Variants in DCDC1 observed in about 807,000 individuals in gnomAD.
DCDC1 encodes doublecortin domain containing 1, also known as doublecortin domain-containing protein 1.
Under a neutral mutation model 178.3 loss-of-function variants are expected in DCDC1, and 200 were observed. That is an observed-to-expected ratio of 1.12 (90% CI 1.00 to 1.26). DCDC1 has a LOEUF of 1.26. Among genes scored for constraint, DCDC1 ranks in the 50% most tolerant of loss-of-function variants. The pLI is 0.00. For missense variants in DCDC1, 1,983 were observed against 1,749.2 expected, an observed-to-expected ratio of 1.13 and a Z score of -2.38; for synonymous variants, 690 against 604.8, an observed-to-expected ratio of 1.14 and a Z score of -2.07.
chr11:31,026,823 A>G (rs750890566), intron 20 of DCDC1, among the ~76,000 whole-genome samples: 40 of 151,834 alleles, frequency 2.6e-4, no homozygotes, highest in Non-Finnish European at 4.7e-4. Flanking sequence ...TGGAAAAAAT[A>G]TTACTTAAGG....
At chr11:30,912,703 C>A (rs1029358027) in intron 27 of DCDC1, among the ~76,000 whole-genome samples, 11 of 152,170 alleles carry the variant, frequency 7.2e-5, no homozygotes, top group African/African-American at 2.7e-4. Context: ...TGGAACCATA[C>A]CTTTTTTAAT....
chr11:30,993,483 A>G (rs1951094188), intron 20 of DCDC1, among the ~76,000 whole-genome samples: 1 of 152,138 alleles, frequency 6.6e-6, no homozygotes, highest in Non-Finnish European at 1.5e-5. Flanking sequence ...AGGTTAGAGC[A>G]TAGGTCAATG....
intron 7 of DCDC1, among the ~76,000 whole-genome samples, chr11:31,285,791 T>C (rs1946777239): frequency 6.6e-6 from 1 of 152,058 alleles, no homozygotes; most frequent in African/African-American, 2.4e-5. Flanking sequence ...AAAAAGTAAT[T>C]ACAATGAAAT....
At chr11:31,312,387 A>AT (rs1392395621) in intron 3 of DCDC1, among the ~76,000 whole-genome samples, 6 of 152,184 alleles carry the variant, frequency 3.9e-5, no homozygotes, top group African/African-American at 1.4e-4. Context: ...TATGTCTACA[A>AT]TCTTGCTGTG....
chr11:31,296,448 A>T (rs536780092), intron 6 of DCDC1, among the ~76,000 whole-genome samples: 89 of 152,206 alleles, frequency 5.8e-4, no homozygotes, highest in Admixed American at 2.7e-3. Flanking sequence ...CCATTCAACA[A>T]GTCTCTAGGA....
rs1430187227 is a variant in DCDC1 at position 31,003,665 on chromosome 11, ATAT to A, written c.2592-51100_2592-51098del. Among the ~76,000 whole-genome samples the A allele has an allele frequency of 2.0e-5, 3 of 152,214 alleles. No individual in the cohort carries two copies. In the East Asian group the frequency reaches 5.8e-4, roughly 29 times the overall value. ...GGCAAGGCCTGGATGAATACATATA[ATAT>A]ATCAGAGGAAATGAGAGAGGTGTAG... On this transcript the variant is annotated intron_variant, in intron 20 of 38. Transcript: ENST00000684477.
chr11:31,008,990 C>T (rs867201086), intron 20 of DCDC1, among the ~76,000 whole-genome samples: 48 of 152,136 alleles, frequency 3.2e-4, no homozygotes, highest in African/African-American at 1.0e-3. Flanking sequence ...AAGGTGGAAA[C>T]GTCAAAAGTA....
At chr11:30,872,069 C>G (rs1941633260) in intron 38 of DCDC1, among the ~76,000 whole-genome samples, 2 of 151,996 alleles carry the variant, frequency 1.3e-5, no homozygotes, top group African/African-American at 4.8e-5. Context: ...TATATAATCT[C>G]CCAACTCCTT....
chr11:30,928,379 A>G (rs926154028), intron 22 of DCDC1, among the ~76,000 whole-genome samples: 2 of 152,024 alleles, frequency 1.3e-5, no homozygotes, highest in Non-Finnish European at 2.9e-5. Context: ...GTATTTCTTT[A>G]TAGTAACACA....
At chr11:31,337,597 T>C (rs1591800170) in intron 1 of DCDC1, among the ~76,000 whole-genome samples, 1 of 152,212 alleles carries the variant, frequency 6.6e-6, no homozygotes, top group East Asian at 1.9e-4. Context: ...CCCAGGAGAT[T>C]GAGGCTGCAG....
chr11:30,912,167 G>T (rs1392204672), intron 27 of DCDC1, among the ~76,000 whole-genome samples: 1 of 152,136 alleles, frequency 6.6e-6, no homozygotes, highest in Non-Finnish European at 1.5e-5. Context: ...GCTCTAGAGA[G>T]CCCCCAGCTG....
At chr11:31,296,288 G>A (rs16922049) in intron 6 of DCDC1, among the ~76,000 whole-genome samples, 3,132 of 152,152 alleles carry the variant, frequency 0.021, 97 homozygotes, top group African/African-American at 0.07. Flanking sequence ...TCTTACCCTA[G>A]TTTGAAGCAC....
At chr11:30,939,681 C>T (rs1295930790) in intron 21 of DCDC1, among the ~76,000 whole-genome samples, 1 of 152,134 alleles carries the variant, frequency 6.6e-6, no homozygotes, top group Non-Finnish European at 1.5e-5. Context: ...CTTTAATGAG[C>T]TGACCCCACC....
chr11:31,148,895 C>T (rs1171293732), intron 9 of DCDC1, among the ~76,000 whole-genome samples: 7 of 151,964 alleles, frequency 4.6e-5, no homozygotes, highest in African/African-American at 1.7e-4. Flanking sequence ...CCCTCACCCC[C>T]GCCCAACTTC....
At chr11:31,018,091 A>G (rs1326834310) in intron 20 of DCDC1, among the ~76,000 whole-genome samples, 1 of 152,182 alleles carries the variant, frequency 6.6e-6, no homozygotes, top group Non-Finnish European at 1.5e-5. Flanking sequence ...ACCAGAAAAA[A>G]AAAATATGTA....
chr11:31,090,640 C>A (rs1957769123), intron 17 of DCDC1, among the ~76,000 whole-genome samples: 1 of 152,074 alleles, frequency 6.6e-6, no homozygotes, highest in African/African-American at 2.4e-5. Flanking sequence ...TACATGATAT[C>A]CTTATATCTG....
chr11:31,272,948 T>C (rs1287718936), intron 7 of DCDC1, among the ~76,000 whole-genome samples: 1 of 152,208 alleles, frequency 6.6e-6, no homozygotes, highest in African/African-American at 2.4e-5. Flanking sequence ...GGCTTGGGGC[T>C]TGCACCCTCT....
intron 20 of DCDC1, among the ~76,000 whole-genome samples, chr11:30,998,832 A>C (rs531552118): frequency 5.1e-4 from 78 of 152,292 alleles, no homozygotes; most frequent in African/African-American, 1.8e-3. Flanking sequence ...GCTTCTAGCA[A>C]ATAGAGTACA....
chr11:31,209,714 T>C (rs1242626158), intron 9 of DCDC1, among the ~76,000 whole-genome samples: 2 of 151,998 alleles, frequency 1.3e-5, no homozygotes, highest in Non-Finnish European at 2.9e-5. Context: ...TAGTAAGAAA[T>C]TTAAGGCAGA....
Sources: allele counts gnomAD v4.1 joint callset (sites outside exome capture counted in the v4.1 genomes callset), GRCh38; gene constraint gnomAD v4.1.1; transcripts MANE v1.5; gene names NCBI Gene and HGNC (gene_info 2026-07-23, HGNC 2026-07-21).